Variants in INPP5A observed in about 807,000 individuals in gnomAD.
INPP5A encodes 43 kDa inositol polyphosphate 5-phophatase.
INPP5A carries 14 observed loss-of-function variants against 65.2 expected under a neutral mutation model. The observed-to-expected ratio is 0.21, with a 90% CI of 0.14 to 0.34. INPP5A has a LOEUF of 0.34. INPP5A is among the 10% of genes least tolerant of loss of function. The probability of loss-of-function intolerance (pLI) is 1.00; values close to 1 mark genes in which losing one functional copy is unlikely to be tolerated. For synonymous variants in INPP5A, 207 were observed against 208.3 expected (o/e 0.99, Z 0.05); for missense variants, 431 against 545.6 (o/e 0.79, Z 2.09).
At chr10:132,581,336 G>A (rs1005125374) in intron 1 of INPP5A, among the ~76,000 whole-genome samples, 1 of 152,160 alleles carries the variant, frequency 6.6e-6, no homozygotes, top group Admixed American at 6.5e-5. Flanking sequence ...ATTATGATGA[G>A]CAAAGACTCT....
chr10:132,713,185 T>C (rs1015375966), intron 8 of INPP5A, among the ~76,000 whole-genome samples: 8 of 151,860 alleles, frequency 5.3e-5, no homozygotes, highest in African/African-American at 1.9e-4. Context: ...CATTTGTGGG[T>C]ATGTGCACAT....
At chr10:132,733,571 T>C (rs188382987) in intron 9 of INPP5A, among the ~76,000 whole-genome samples, 103 of 152,380 alleles carry the variant, frequency 6.8e-4, no homozygotes, top group African/African-American at 2.3e-3. Flanking sequence ...GGTTTCTGAC[T>C]GTAAAACATT....
rs2072953773 is a variant in INPP5A at position 132,675,654 on chromosome 10, G to A, written c.307-14738G>A. On this transcript the variant is annotated intron_variant, in intron 4 of 15. Coordinates refer to ENST00000368594, the MANE Select transcript of INPP5A (RefSeq NM_005539.5). This position sits in a 1 kb window ranked among gnomAD's most constrained non-coding sequence, Gnocchi z 4.2. The stretch of plus-strand genomic sequence containing the variant: ...GCGGAGAACTGGGACCCCGATCAGG[G>A]TCTGGAGGGAGCGTGTGCCCTTGGA... 6.6e-6 allele frequency among the ~76,000 whole-genome samples: 1 copy of A among 152,212 alleles called. No individual in the cohort carries two copies. Among genetic ancestry groups the A allele is most frequent in the South Asian group, 2.1e-4 (1 of 4,826 alleles).
Position 132,575,899 on chromosome 10 carries a change from A to G in INPP5A, c.76-32016A>G, listed in dbSNP as rs543906161. Among the ~76,000 whole-genome samples the G allele has an allele frequency of 2.0e-4, 31 of 152,190 alleles. No homozygotes were observed. Among genetic ancestry groups the G allele is most frequent in the African/African-American group, 7.5e-4 (31 of 41,526 alleles). Reference sequence around the variant, plus strand: ...CCTGCCAAAGGACCTGCTTGATGCCACTGACATCGCGGCTCTTGTGGACTG... The same window carrying G: ...CCTGCCAAAGGACCTGCTTGATGCCGCTGACATCGCGGCTCTTGTGGACTG... On this transcript the variant is annotated intron_variant, in intron 1 of 15. Coordinates refer to ENST00000368594, the MANE Select transcript of INPP5A (RefSeq NM_005539.5). The surrounding 1 kb of genome is among the most constrained non-coding windows in gnomAD (Gnocchi z 5.4).
intron 11 of INPP5A, among the ~76,000 whole-genome samples, chr10:132,756,276 A>G (rs1565002493): frequency 6.6e-6 from 1 of 151,894 alleles, no homozygotes; most frequent in Non-Finnish European, 1.5e-5. Context: ...GTGTGTACGC[A>G]TGCGTGTGCA....
chr10:132,657,460 G>T (rs1028608045), intron 4 of INPP5A, among the ~76,000 whole-genome samples: 1 of 152,220 alleles, frequency 6.6e-6, no homozygotes, highest in African/African-American at 2.4e-5. Context: ...CTTTGCAAGT[G>T]CTGTGCACGG....
At chr10:132,585,156 A>G (rs2071531802) in intron 1 of INPP5A, among the ~76,000 whole-genome samples, 1 of 152,250 alleles carries the variant, frequency 6.6e-6, no homozygotes, top group African/African-American at 2.4e-5. Context: ...TACATATACA[A>G]TAAAATGAAA....
At chr10:132,737,048 G>T (rs143620596) in intron 9 of INPP5A, among the ~76,000 whole-genome samples, 1 of 152,226 alleles carries the variant, frequency 6.6e-6, no homozygotes, top group African/African-American at 2.4e-5. Flanking sequence ...TGCAGCTGTC[G>T]CTAGCCCTGT....
At chr10:132,722,320 T>C (rs1845899289) in intron 8 of INPP5A, among the ~76,000 whole-genome samples, 1 of 151,814 alleles carries the variant, frequency 6.6e-6, no homozygotes, top group African/African-American at 2.4e-5. Flanking sequence ...AACCAACTCC[T>C]AGCAAGTTAG....
intron 4 of INPP5A, among the ~76,000 whole-genome samples, chr10:132,667,382 G>A (rs1161969000): frequency 1.3e-5 from 2 of 152,238 alleles, no homozygotes; most frequent in Admixed American, 6.5e-5. Flanking sequence ...TGTGGGCCTT[G>A]TGCAGAGGCT....
At chr10:132,647,715 T>C (rs755755020) in intron 3 of INPP5A, among the ~76,000 whole-genome samples, 1 of 151,712 alleles carries the variant, frequency 6.6e-6, no homozygotes, top group East Asian at 1.9e-4. Flanking sequence ...GGAGGGTGGG[T>C]GGGGACATGG....
At chr10:132,572,365 T>C (rs534232865) in intron 1 of INPP5A, among the ~76,000 whole-genome samples, 1 of 152,320 alleles carries the variant, frequency 6.6e-6, no homozygotes, top group South Asian at 2.1e-4. Flanking sequence ...TTCCCTGAGC[T>C]TCTGTTTTGC....
chr10:132,623,699 G>A (rs181592206), intron 2 of INPP5A, among the ~76,000 whole-genome samples: 3 of 152,174 alleles, frequency 2.0e-5, no homozygotes, highest in Admixed American at 6.5e-5. Flanking sequence ...ACTGTGAAAA[G>A]AATGAAAAGA....
chr10:132,713,766 G>A lies in INPP5A; in HGVS notation c.647+3310G>A, dbSNP rs369711087. Among the ~76,000 whole-genome samples the A allele has an allele frequency of 1.0e-3, 155 of 152,300 alleles. 1 individual carries two copies. The South Asian group carries it at 0.031, about 31-fold the overall frequency. On this transcript the variant is annotated intron_variant, in intron 8 of 15. Transcript: ENST00000368594. Reference sequence around the variant, plus strand: ...CTGCAGGGGACCTGTCCGGCCTCCCGGATATCTCTGGAGCTGGCACTGACA... The same window carrying A: ...CTGCAGGGGACCTGTCCGGCCTCCCAGATATCTCTGGAGCTGGCACTGACA...
chr10:132,607,782 C>T (rs2071878241), intron 1 of INPP5A, 133 bp from the exon 2 acceptor site: 6 of 849,864 alleles, frequency 7.1e-6, no homozygotes, highest in African/African-American at 5.1e-5. Flanking sequence ...GCGGGTGGAG[C>T]TCCTCCATGC....
intron 4 of INPP5A, among the ~76,000 whole-genome samples, chr10:132,682,499 C>T (rs1441389652): frequency 6.6e-6 from 1 of 152,238 alleles, no homozygotes; most frequent in Non-Finnish European, 1.5e-5. Flanking sequence ...TAATTTCACA[C>T]CTATCCAGTT....
At chr10:132,737,911 AT>A (rs1196264196) in intron 9 of INPP5A, among the ~76,000 whole-genome samples, 1 of 152,190 alleles carries the variant, frequency 6.6e-6, no homozygotes. Flanking sequence ...TAGGCTTCGT[AT>A]TTAGGGGATT....
chr10:132,744,933 G>T (rs192332259), intron 9 of INPP5A, among the ~76,000 whole-genome samples: 3 of 152,344 alleles, frequency 2.0e-5, no homozygotes, highest in Admixed American at 2.0e-4. Context: ...TGTCCCTCCC[G>T]AAAGTGCTGT....
chr10:132,666,606 G>A (rs552765990), intron 4 of INPP5A, among the ~76,000 whole-genome samples: 1 of 152,334 alleles, frequency 6.6e-6, no homozygotes, highest in Non-Finnish European at 1.5e-5. Context: ...CTGGAGTGCA[G>A]CAGCATCTGG....
Sources: gnomAD v4.1 joint callset for allele counts (sites outside exome capture counted in the v4.1 genomes callset) on GRCh38, gnomAD v4.1.1 for gene constraint, Gnocchi (gnomAD v3.1) non-coding constraint, MANE v1.5 for transcripts, NCBI Gene and HGNC (gene_info 2026-07-23, HGNC 2026-07-21) for gene names.